DCC: variants seen among roughly 807,000 people sequenced by gnomAD.
DCC encodes the protein DCC netrin 1 receptor.
Under a neutral mutation model 172.5 loss-of-function variants are expected in DCC, and 58 were observed. The observed-to-expected ratio is 0.34, with a 90% CI of 0.27 to 0.42. The LOEUF is 0.42. Among genes scored for constraint, DCC ranks in the 10% least tolerant of loss-of-function variants. DCC has a pLI of 1.00. For missense variants in DCC, 1,740 were observed against 1,791.0 expected (o/e 0.97, Z 0.51); for synonymous variants, 709 against 644.5 (o/e 1.10, Z -1.52).
At chr18:52,623,978 C>A (rs917063607) in intron 1 of DCC, among the ~76,000 whole-genome samples, 10 of 152,142 alleles carry the variant, frequency 6.6e-5, no homozygotes, top group Admixed American at 1.3e-4. Context: ...CTTTTGAATC[C>A]GCTTCTTTCC....
In DCC at chr18:52,547,402, C is replaced by T. The variant is rs547603274; in HGVS notation, c.92-204652C>T. 1.9e-3 allele frequency among the ~76,000 whole-genome samples: 290 copies of T among 152,266 alleles called. 5 individuals carry two copies. Among genetic ancestry groups the T allele is most frequent in the African/African-American group, 6.9e-3 (288 of 41,566 alleles). Reference sequence around the variant, plus strand: ...GGATATGCATTAATTTTAGTCCACTCATTCCACTCCCTCATTTATTTGAAT... The same window carrying T: ...GGATATGCATTAATTTTAGTCCACTTATTCCACTCCCTCATTTATTTGAAT... On this transcript the variant is annotated intron_variant, in intron 1 of 28. Transcript: ENST00000442544.
intron 5 of DCC, among the ~76,000 whole-genome samples, chr18:53,047,196 C>A (rs2144021117): frequency 7.6e-6 from 1 of 132,220 alleles, no homozygotes; most frequent in Admixed American, 8.0e-5. Flanking sequence ...AATTCTCCTA[C>A]TCCTTAAGGC....
chr18:53,260,320 C>A (rs986086478), intron 12 of DCC, among the ~76,000 whole-genome samples: 1 of 152,126 alleles, frequency 6.6e-6, no homozygotes, highest in East Asian at 1.9e-4. Flanking sequence ...TGTTTTTTCC[C>A]TGTCTTTGTG....
chr18:53,426,788 GT>G (rs1910999675), intron 21 of DCC, among the ~76,000 whole-genome samples: 1 of 152,042 alleles, frequency 6.6e-6, no homozygotes, highest in South Asian at 2.1e-4. Flanking sequence ...TAATGCATTT[GT>G]TGAGTGGATG....
chr18:53,492,373 C>A (rs1442043759), intron 26 of DCC, among the ~76,000 whole-genome samples: 2 of 152,240 alleles, frequency 1.3e-5, no homozygotes, highest in East Asian at 3.9e-4. Flanking sequence ...GTCATGAAGT[C>A]TTTTCCCGTG....
chr18:52,935,992 C>T (rs755402549), intron 5 of DCC, among the ~76,000 whole-genome samples: 11 of 151,940 alleles, frequency 7.2e-5, no homozygotes, highest in South Asian at 2.1e-4. Context: ...GCCTTAGGTA[C>T]GTTTGTATTG....
chr18:53,232,593 C>T (rs1326989802), intron 12 of DCC, among the ~76,000 whole-genome samples: 1 of 152,190 alleles, frequency 6.6e-6, no homozygotes, highest in African/African-American at 2.4e-5. Flanking sequence ...CTGCTACAAC[C>T]TCTCAGGGTA....
At chr18:53,492,296 CAGA>C (rs1339477373) in intron 26 of DCC, among the ~76,000 whole-genome samples, 20 of 152,028 alleles carry the variant, frequency 1.3e-4, no homozygotes, top group African/African-American at 4.8e-4. Context: ...TTTTGTTGTG[CAGA>C]AGATCTTTAA....
chr18:52,715,545 TCTGC>T (rs929913668), intron 1 of DCC, among the ~76,000 whole-genome samples: 14 of 152,114 alleles, frequency 9.2e-5, no homozygotes, highest in African/African-American at 3.1e-4. Context: ...CCTCAAGTCA[TCTGC>T]CTGCCTCAGC....
At chr18:52,695,038 G>A (rs1681044189) in intron 1 of DCC, among the ~76,000 whole-genome samples, 1 of 152,096 alleles carries the variant, frequency 6.6e-6, no homozygotes, top group Admixed American at 6.6e-5. Flanking sequence ...TTATGTGGGA[G>A]GAAACCATTT....
At chr18:53,355,459 G>T (rs1042806461) in intron 15 of DCC, among the ~76,000 whole-genome samples, 1 of 152,120 alleles carries the variant, frequency 6.6e-6, no homozygotes. Flanking sequence ...CTGAGCAGTG[G>T]TTTGTAGTTC....
chr18:53,163,303 G>A (rs2054870786), intron 8 of DCC, among the ~76,000 whole-genome samples: 1 of 152,118 alleles, frequency 6.6e-6, no homozygotes, highest in Non-Finnish European at 1.5e-5. Flanking sequence ...TTACTGAGGA[G>A]GATGAATAAG....
In DCC at chr18:52,353,940, A is replaced by C. The variant is rs147786052; in HGVS notation, c.91+13062A>C. Among the ~76,000 whole-genome samples, 570 of 152,346 alleles carry C rather than the reference A, an allele frequency of 3.7e-3. 2 individuals are homozygous for C. The highest frequency in any genetic ancestry group is 0.013 in the African/African-American group (554 of 41,578). ...GCCTAGAGTAAAATTCTATTTATAGAGGGATGAACTGCCTCTCAGCGAAAC... is the reference window on the plus strand; with the variant it reads ...GCCTAGAGTAAAATTCTATTTATAGCGGGATGAACTGCCTCTCAGCGAAAC... On this transcript the variant is annotated intron_variant, in intron 1 of 28. Coordinates refer to ENST00000442544, the MANE Select transcript of DCC (RefSeq NM_005215.4).
chr18:52,484,070 G>A (rs2030089017), intron 1 of DCC, among the ~76,000 whole-genome samples: 1 of 151,930 alleles, frequency 6.6e-6, no homozygotes, highest in Non-Finnish European at 1.5e-5. Context: ...ATTTTGTTTT[G>A]ACTTTTCTTC....
intron 2 of DCC, among the ~76,000 whole-genome samples, chr18:52,851,368 T>C (rs1401177859): frequency 1.3e-5 from 2 of 152,096 alleles, no homozygotes; most frequent in African/African-American, 2.4e-5. Flanking sequence ...GAAAGAGTTT[T>C]TCAGACAATA....
intron 5 of DCC, among the ~76,000 whole-genome samples, chr18:53,020,619 G>A (rs2041866770): frequency 6.6e-6 from 1 of 152,070 alleles, no homozygotes; most frequent in African/African-American, 2.4e-5. Context: ...ATTAGCCTTG[G>A]ATGAACAATA....
chr18:52,752,346 T>A lies in DCC; in HGVS notation c.384T>A (p.Ile128=), dbSNP rs755204572. 4.6e-5 allele frequency: 75 copies of A among 1,614,076 alleles called. No individual in the cohort carries two copies. The highest frequency in any genetic ancestry group is 4.2e-5 in the Non-Finnish European group (49 of 1,180,020). Residue 128 remains isoleucine (I), a synonymous_variant, in exon 2 of 29, where the codon ATT becomes ATA. Coordinates refer to ENST00000442544, the MANE Select transcript of DCC (RefSeq NM_005215.4). ...EASLGDSGSI[I]SRTAKVAVAG... ...CTTTAGGAGATTCTGGCTCAATTAT[T>A]AGTCGGACAGCAAAAGTTGCAGTAG...
chr18:52,448,709 C>CA (rs1988207183), intron 1 of DCC, among the ~76,000 whole-genome samples: 1 of 152,272 alleles, frequency 6.6e-6, no homozygotes, highest in East Asian at 1.9e-4. Flanking sequence ...ATTGAGCAGA[C>CA]ATAATCCATA....
chr18:52,712,668 G>A (rs778666560), intron 1 of DCC, among the ~76,000 whole-genome samples: 2 of 152,178 alleles, frequency 1.3e-5, no homozygotes, highest in Non-Finnish European at 2.9e-5. Context: ...ACATTGAGAA[G>A]CTTGATTTTC....
Sources: gnomAD v4.1 joint callset for allele counts (sites outside exome capture counted in the v4.1 genomes callset) on GRCh38, gnomAD v4.1.1 for gene constraint, MANE v1.5 for transcripts, NCBI Gene and HGNC (gene_info 2026-07-23, HGNC 2026-07-21) for gene names.